Variants in IGF2BP3 observed in about 807,000 individuals in gnomAD.
IGF2BP3 encodes insulin-like growth factor 2 mRNA-binding protein 3.
A neutral mutation model predicts 73.8 loss-of-function variants in IGF2BP3; 9 were observed. The ratio of observed to expected loss-of-function variants is 0.12; its 90% CI spans 0.07 to 0.21. The LOEUF (loss-of-function observed/expected upper bound fraction) is 0.21, where lower values mean the gene tolerates loss of function less well. Ranked by LOEUF, IGF2BP3 falls within the 10% of genes least tolerant of loss-of-function variation. The pLI is 1.00. For synonymous variants in IGF2BP3, 258 were observed against 256.7 expected, an observed-to-expected ratio of 1.01 and a Z score of -0.05; for missense variants, 542 against 714.0, an observed-to-expected ratio of 0.76 and a Z score of 2.75.
intron 2 of IGF2BP3, among the ~76,000 whole-genome samples, chr7:23,439,971 G>C (rs1167329512): frequency 1.3e-5 from 2 of 152,070 alleles, no homozygotes; most frequent in Non-Finnish European, 2.9e-5. Flanking sequence ...TTTTTTGAAA[G>C]CTTTACAATT....
At chr7:23,438,110 G>C (rs139737195) in intron 2 of IGF2BP3, among the ~76,000 whole-genome samples, 286 of 152,146 alleles carry the variant, frequency 1.9e-3, no homozygotes, top group African/African-American at 5.8e-3. Context: ...AGAAATTATC[G>C]AACTTACTTT....
Position 23,452,560 on chromosome 7 carries a change from T to G in IGF2BP3, c.236+15922A>C, listed in dbSNP as rs138085417. 6.3e-3 allele frequency among the ~76,000 whole-genome samples: 953 copies of G among 152,004 alleles called. 14 individuals carry two copies. Among genetic ancestry groups the G allele is most frequent in the African/African-American group, 0.02 (849 of 41,488 alleles). On this transcript the variant is annotated intron_variant, in intron 2 of 14. Coordinates refer to ENST00000258729, the MANE Select transcript of IGF2BP3 (RefSeq NM_006547.3). ...GGCTCATGCCTGTAATCCTAACACT[T>G]TGGGAGGCTGAGACGGGTGAATCAC...
intron 12 of IGF2BP3, 137 bp downstream of exon 12, chr7:23,317,502 G>T: frequency 1.5e-6 from 1 of 664,364 alleles, no homozygotes; most frequent in Non-Finnish European, 2.7e-6. Context: ...AATTTTGAGT[G>T]TGATTCTACT....
intron 5 of IGF2BP3, among the ~76,000 whole-genome samples, chr7:23,356,900 G>A (rs183826102): frequency 5.9e-5 from 9 of 152,214 alleles, no homozygotes; most frequent in East Asian, 3.9e-4. Context: ...AACAGAAGAC[G>A]GGATAGGAAA....
intron 6 of IGF2BP3, among the ~76,000 whole-genome samples, chr7:23,349,534 A>G (rs911909248): frequency 6.6e-6 from 1 of 152,050 alleles, no homozygotes; most frequent in Non-Finnish European, 1.5e-5. Context: ...TTTGCAGTTT[A>G]TTTTCACCCT....
intron 5 of IGF2BP3, among the ~76,000 whole-genome samples, chr7:23,359,477 T>G (rs934852473): frequency 2.6e-5 from 4 of 152,186 alleles, no homozygotes; most frequent in African/African-American, 4.8e-5. Context: ...TCTCCAAATA[T>G]CCTTGGGTTT....
In IGF2BP3 at chr7:23,469,683, C is replaced by T. The variant is rs1788661716; in HGVS notation, c.175+253G>A. ...CCCCCAGCCCCGCGCCCCCCTTAGCCAGCGCCGGGGCTTTCTTGACAGCGC... is the reference window on the plus strand; with the variant it reads ...CCCCCAGCCCCGCGCCCCCCTTAGCTAGCGCCGGGGCTTTCTTGACAGCGC... On this transcript the variant is annotated intron_variant, in intron 1 of 14. Transcript: ENST00000258729. The surrounding 1 kb of genome is among the most constrained non-coding windows in gnomAD (Gnocchi z 6.1). Among the ~76,000 whole-genome samples, 1 of 151,696 alleles carries T rather than the reference C, an allele frequency of 6.6e-6. No homozygotes were observed. Among genetic ancestry groups the T allele is most frequent in the Non-Finnish European group, 1.5e-5 (1 of 67,826 alleles).
intron 3 of IGF2BP3, among the ~76,000 whole-genome samples, chr7:23,407,609 CAAAAAA>C (rs569308741): frequency 1.1e-5 from 1 of 89,636 alleles, no homozygotes. Context: ...ACTCTGTCTC[CAAAAAA>C]AAAAAAAAAA....
intron 3 of IGF2BP3, among the ~76,000 whole-genome samples, chr7:23,393,733 G>A (rs78884050): frequency 1.3e-5 from 2 of 152,158 alleles, no homozygotes; most frequent in Admixed American, 6.5e-5. Context: ...AGCCCAAGGG[G>A]GGCAATCATG....
At chr7:23,328,063 C>G (rs1276915022) in intron 10 of IGF2BP3, among the ~76,000 whole-genome samples, 1 of 152,080 alleles carries the variant, frequency 6.6e-6, no homozygotes, top group Non-Finnish European at 1.5e-5. Flanking sequence ...TCTCTAGACG[C>G]CCACCTATGA....
intron 3 of IGF2BP3, among the ~76,000 whole-genome samples, chr7:23,398,172 T>C (rs954473854): frequency 1.1e-4 from 17 of 151,976 alleles, no homozygotes; most frequent in Admixed American, 9.8e-4. Context: ...GGTTGGTTTT[T>C]TGTCCTTGCG....
chr7:23,312,114 T>A lies in IGF2BP3; in HGVS notation c.*248A>T. ...GAAGTGCAGAGCTCTTCTCTTTCCC[T>A]CCCTCCCCCACCCTTTTTTTGTTTG... On this transcript the variant is annotated 3_prime_UTR_variant, in exon 15 of 15. Coordinates refer to ENST00000258729, the MANE Select transcript of IGF2BP3 (RefSeq NM_006547.3). The A allele has an allele frequency of 1.1e-4, 45 of 405,266 alleles. No individual in the cohort carries two copies. Among genetic ancestry groups the A allele is most frequent in the Non-Finnish European group, 1.3e-4 (30 of 224,478 alleles). The allele number at this position is 405,266 out of a possible 1,614,324, so 25.1% of individuals were successfully genotyped here. A position where few individuals can be genotyped will look rare whatever the true frequency, so the allele number is the denominator to read the frequency against.
intron 5 of IGF2BP3, among the ~76,000 whole-genome samples, chr7:23,358,420 G>A (rs1011832684): frequency 1.3e-5 from 2 of 152,164 alleles, no homozygotes; most frequent in African/African-American, 4.8e-5. Context: ...GTTGGTTTAG[G>A]CAGCAGGCTG....
At chr7:23,346,504 A>G (rs996815302) in intron 7 of IGF2BP3, among the ~76,000 whole-genome samples, 4 of 152,076 alleles carry the variant, frequency 2.6e-5, no homozygotes, top group African/African-American at 9.7e-5. Context: ...TTCACTTTTC[A>G]TTTTGTAGCT....
chr7:23,424,300 C>G (rs1285238917), intron 2 of IGF2BP3, among the ~76,000 whole-genome samples: 1 of 151,294 alleles, frequency 6.6e-6, no homozygotes. Flanking sequence ...GAGTTCAAGA[C>G]CAGCTTGGCC....
rs986590062 is a variant in IGF2BP3, at chr7:23,358,494, C to G, written c.401+3040G>C. ...TTGGAAGTCCAGGCTCAAGCCACTT[C>G]AAACTGCTCCAAGCAGCCCAGAACC... On this transcript the variant is annotated intron_variant, in intron 5 of 14. Transcript: ENST00000258729. Among the ~76,000 whole-genome samples the G allele has an allele frequency of 6.6e-5, 10 of 152,322 alleles. No homozygotes were observed. In the South Asian group the frequency reaches 8.3e-4, roughly 13 times the overall value.
At chr7:23,375,833 A>G (rs1785699607) in intron 3 of IGF2BP3, among the ~76,000 whole-genome samples, 1 of 152,218 alleles carries the variant, frequency 6.6e-6, no homozygotes, top group African/African-American at 2.4e-5. Flanking sequence ...TCCAAAGTCA[A>G]TAATGATAGG....
intron 2 of IGF2BP3, among the ~76,000 whole-genome samples, chr7:23,448,879 G>A (rs1292370289): frequency 6.6e-6 from 1 of 151,880 alleles, no homozygotes; most frequent in Non-Finnish European, 1.5e-5. Context: ...TGATCTGCCC[G>A]CCTTGGCCTC....
At position 23,352,757 on chromosome 7, in the gene IGF2BP3, C is replaced by G. The variant is rs185544797; in HGVS notation, c.402-1171G>C. On this transcript the variant is annotated intron_variant, in intron 5 of 14. Coordinates refer to ENST00000258729, the MANE Select transcript of IGF2BP3 (RefSeq NM_006547.3). ...ACCTGCTTCCGGTAGTCACTGCCCC[C>G]CTACCCCTTGCAGACTTCTAATACC... Among the ~76,000 whole-genome samples the G allele has an allele frequency of 5.2e-3, 794 of 152,252 alleles. 3 individuals carry two copies. Among genetic ancestry groups the G allele is most frequent in the Middle Eastern group, 0.027 (8 of 294 alleles).
Sources: gnomAD v4.1 joint callset for allele counts (sites outside exome capture counted in the v4.1 genomes callset) on GRCh38, gnomAD v4.1.1 for gene constraint, Gnocchi (gnomAD v3.1) non-coding constraint, MANE v1.5 for transcripts, NCBI Gene and HGNC (gene_info 2026-07-23, HGNC 2026-07-21) for gene names.